SLC25A48: variants seen among roughly 807,000 people sequenced by gnomAD.
SLC25A48 encodes the protein solute carrier family 25 member 48.
A neutral mutation model predicts 32.2 loss-of-function variants in SLC25A48; 29 were observed. The observed-to-expected ratio is 0.90, with a 90% CI of 0.67 to 1.23. The LOEUF is 1.23. Ranked by LOEUF, SLC25A48 falls within the 50% of genes most tolerant of loss-of-function variation. The pLI is 0.00. For synonymous variants in SLC25A48, 164 were observed against 172.3 expected, an observed-to-expected ratio of 0.95 and a Z score of 0.38; for missense variants, 399 against 422.7, an observed-to-expected ratio of 0.94 and a Z score of 0.49.
intron 3 of SLC25A48, among the ~76,000 whole-genome samples, chr5:135,720,593 G>C (rs1467792532): frequency 6.6e-6 from 1 of 152,228 alleles, no homozygotes; most frequent in African/African-American, 2.4e-5. Flanking sequence ...GGGTTCCCCA[G>C]AATGGGTTGA....
intron 1 of SLC25A48, among the ~76,000 whole-genome samples, chr5:135,606,617 G>T (rs1194624562): frequency 1.3e-5 from 2 of 152,162 alleles, no homozygotes; most frequent in African/African-American, 2.4e-5. Flanking sequence ...ATGAGTGGCA[G>T]ACCCTGAACA....
In SLC25A48 at chr5:135,804,189, G is replaced by A. The variant is rs148619977; in HGVS notation, c.-520-8334G>A. ...AGGGTACACCTTCTGTGACATAGAAGTAATATCTCCCTAGGATATTATGAA... is the reference window on the plus strand; with the variant it reads ...AGGGTACACCTTCTGTGACATAGAAATAATATCTCCCTAGGATATTATGAA... On this transcript the variant is annotated intron_variant, in intron 3 of 10. Transcript: ENST00000646290. Among the ~76,000 whole-genome samples, 950 of 151,558 alleles carry A rather than the reference G, an allele frequency of 6.3e-3. 5 individuals carry two copies. The highest frequency in any genetic ancestry group is 0.014 in the Middle Eastern group (4 of 294).
chr5:135,827,016 C>T (rs764921180), intron 4 of SLC25A48: 3 of 152,280 alleles, frequency 2.0e-5, no homozygotes, highest in Non-Finnish European at 4.4e-5. Context: ...CTCCTTGGAC[C>T]TTGTGGACCT....
At chr5:135,631,531 T>C (rs1426081657) in intron 2 of SLC25A48, among the ~76,000 whole-genome samples, 1 of 152,244 alleles carries the variant, frequency 6.6e-6, no homozygotes, top group African/African-American at 2.4e-5. Flanking sequence ...GTTTCAGGCC[T>C]ATTTAATGCT....
intron 7 of SLC25A48, among the ~76,000 whole-genome samples, chr5:135,880,423 G>A (rs31565): frequency 0.81 from 123,103 of 151,896 alleles, 49,975 homozygotes; most frequent in Middle Eastern, 0.88. Context: ...GCAGATGCAA[G>A]TGACCCAGGC....
chr5:135,866,048 G>A (rs958848289), intron 4 of SLC25A48, among the ~76,000 whole-genome samples: 5 of 152,178 alleles, frequency 3.3e-5, no homozygotes, highest in Admixed American at 3.3e-4. Flanking sequence ...CCCACTGGCT[G>A]AGCCTTACTG....
chr5:135,672,253 C>A (rs964113417), intron 3 of SLC25A48, among the ~76,000 whole-genome samples: 1 of 151,976 alleles, frequency 6.6e-6, no homozygotes. Flanking sequence ...AGAGGGTTTC[C>A]GAGGGATATT....
intron 3 of SLC25A48, among the ~76,000 whole-genome samples, chr5:135,736,414 AG>A (rs1190601424): frequency 6.6e-6 from 1 of 152,014 alleles, no homozygotes; most frequent in Non-Finnish European, 1.5e-5. Context: ...GTCAGGTGTG[AG>A]TTGAGGAGGT....
chr5:135,849,264 C>T (rs1336988905), intron 2 of SLC25A48, among the ~76,000 whole-genome samples: 3 of 152,196 alleles, frequency 2.0e-5, no homozygotes, highest in Non-Finnish European at 4.4e-5. Flanking sequence ...GTCTCAGCCC[C>T]TCACTGCACA....
At chr5:135,625,923 T>C (rs1054938118) in intron 1 of SLC25A48, among the ~76,000 whole-genome samples, 8 of 152,138 alleles carry the variant, frequency 5.3e-5, no homozygotes, top group Admixed American at 3.3e-4. Flanking sequence ...ATCTCTCCTG[T>C]AGGTATCTCC....
chr5:135,652,178 C>T (rs60721087), intron 3 of SLC25A48, among the ~76,000 whole-genome samples: 8,852 of 152,190 alleles, frequency 0.058, 469 homozygotes, highest in African/African-American at 0.14. Flanking sequence ...ACTATAGCTG[C>T]GTGCCTAACC....
At chr5:135,869,459 G>C (rs181628025) in intron 4 of SLC25A48, among the ~76,000 whole-genome samples, 14 of 152,292 alleles carry the variant, frequency 9.2e-5, no homozygotes, top group African/African-American at 3.4e-4. Context: ...GCCAGTTGGA[G>C]GTTTGGTGGG....
intron 3 of SLC25A48, among the ~76,000 whole-genome samples, chr5:135,778,171 G>A (rs535244783): frequency 9.2e-5 from 14 of 151,680 alleles, no homozygotes; most frequent in Non-Finnish European, 2.1e-4. Context: ...TAATATTAAG[G>A]GGGGGAGAGG....
At position 135,772,460 on chromosome 5, in the gene SLC25A48, T is replaced by C. The variant is rs115914114; in HGVS notation, c.-520-40063T>C. Among the ~76,000 whole-genome samples the C allele has an allele frequency of 8.9e-3, 1,352 of 151,766 alleles. 14 individuals are homozygous for C. Among genetic ancestry groups the C allele is most frequent in the Middle Eastern group, 0.02 (6 of 294 alleles). On this transcript the variant is annotated intron_variant, in intron 3 of 10. Coordinates refer to the SLC25A48 transcript ENST00000646290. ...ATCGTTGTGGGTGTACAGCCTTCTG[T>C]GTTATTGTTCATAATATTCACGAAG...
chr5:135,848,350 T>G (rs888950622), intron 2 of SLC25A48, among the ~76,000 whole-genome samples: 4 of 152,112 alleles, frequency 2.6e-5, no homozygotes, highest in African/African-American at 9.7e-5. Context: ...CAGCCTTACA[T>G]GGGGCACAGA....
chr5:135,581,224 G>A (rs1026191716), intron 1 of SLC25A48, among the ~76,000 whole-genome samples: 7 of 152,194 alleles, frequency 4.6e-5, no homozygotes, highest in South Asian at 2.1e-4. Flanking sequence ...AGAGTATTCC[G>A]TCATACAGAT....
intron 3 of SLC25A48, chr5:135,648,619 C>T (rs1753028255): frequency 6.6e-6 from 1 of 152,182 alleles, no homozygotes; most frequent in Non-Finnish European, 1.5e-5. Flanking sequence ...GCCTCAATTT[C>T]TCTAGCTTAA....
chr5:135,845,475 C>T (rs1408731388), intron 2 of SLC25A48, among the ~76,000 whole-genome samples: 1 of 152,214 alleles, frequency 6.6e-6, no homozygotes, highest in African/African-American at 2.4e-5. Context: ...CACTCCAGCA[C>T]ACCTTCTTTC....
At chr5:135,616,783 A>G (rs1752200708) in intron 1 of SLC25A48, among the ~76,000 whole-genome samples, 1 of 152,170 alleles carries the variant, frequency 6.6e-6, no homozygotes, top group South Asian at 2.1e-4. Flanking sequence ...GAGTGGAATG[A>G]TATGGTTTGG....
Sources: gnomAD v4.1 joint callset for allele counts (sites outside exome capture counted in the v4.1 genomes callset) on GRCh38, gnomAD v4.1.1 for gene constraint, MANE v1.5 for transcripts, NCBI Gene and HGNC (gene_info 2026-07-23, HGNC 2026-07-21) for gene names.